Variants in TBX15 observed in about 807,000 individuals in gnomAD.
TBX15 encodes the protein T-box transcription factor 15, also known as T-box transcription factor TBX15.
In TBX15, 18 loss-of-function variants were observed where a neutral mutation model predicts 53.9. The ratio of observed to expected loss-of-function variants is 0.33; its 90% confidence interval spans 0.23 to 0.49. The LOEUF (loss-of-function observed/expected upper bound fraction) is 0.49, where lower values mean the gene tolerates loss of function less well. TBX15 is among the 20% of genes least tolerant of loss of function. TBX15 has a pLI of 0.98. For missense variants in TBX15, 692 were observed against 749.5 expected, an observed-to-expected ratio of 0.92 and a Z score of 0.90; for synonymous variants, 295 against 278.0, an observed-to-expected ratio of 1.06 and a Z score of -0.61.
chr1:118,965,505 C>T (rs59762859), intron 1 of TBX15, among the ~76,000 whole-genome samples: 29,426 of 151,982 alleles, frequency 0.19, 3,401 homozygotes, highest in East Asian at 0.5. Context: ...AACAACCTTT[C>T]GGGAGGGTAA....
intron 1 of TBX15, among the ~76,000 whole-genome samples, chr1:118,937,445 A>G (rs1185814940): frequency 1.3e-5 from 2 of 152,176 alleles, no homozygotes; most frequent in South Asian, 2.1e-4. Context: ...TCTACATGCT[A>G]AAGTTTTCTT....
chr1:118,904,983 T>C (rs146906568), intron 6 of TBX15, among the ~76,000 whole-genome samples: 20 of 152,298 alleles, frequency 1.3e-4, no homozygotes, highest in African/African-American at 4.8e-4. Flanking sequence ...AACTGTGATT[T>C]AATAAATGCA....
At chr1:118,919,779 T>C (rs1557884103) in intron 5 of TBX15, among the ~76,000 whole-genome samples, 1 of 152,174 alleles carries the variant, frequency 6.6e-6, no homozygotes, top group African/African-American at 2.4e-5. Flanking sequence ...CCTCCCATTA[T>C]TTGAGCAATC....
intron 7 of TBX15, among the ~76,000 whole-genome samples, chr1:118,893,356 GGAAAGAAAGAAAGAAAGAAAGAAA>G (rs200654722): frequency 9.4e-4 from 48 of 51,060 alleles, no homozygotes; most frequent in South Asian, 4.5e-3. Flanking sequence ...AAGGAAGGAA[GGAAAGAAAGAAAGAAAGAAAGAAA>G]GAAAGAAAGA....
chr1:118,952,692 T>C (rs12139133), intron 1 of TBX15, among the ~76,000 whole-genome samples: 19,478 of 152,112 alleles, frequency 0.13, 1,742 homozygotes, highest in Non-Finnish European at 0.18. Flanking sequence ...AAAGTATGGC[T>C]AAACTTCCCA....
intron 1 of TBX15, among the ~76,000 whole-genome samples, chr1:118,963,935 C>T (rs567283135): frequency 2.1e-4 from 32 of 152,278 alleles, no homozygotes; most frequent in African/African-American, 7.2e-4. Flanking sequence ...AAGCTAGCAA[C>T]ATAGAGAAGC....
chr1:118,894,955 C>T (rs941843595), intron 7 of TBX15, among the ~76,000 whole-genome samples: 4 of 152,050 alleles, frequency 2.6e-5, no homozygotes, highest in Non-Finnish European at 4.4e-5. Flanking sequence ...ATAAGCCATA[C>T]GTATGGGCAT....
chr1:118,956,282 A>T (rs145434453), intron 1 of TBX15, among the ~76,000 whole-genome samples: 238 of 152,350 alleles, frequency 1.6e-3, no homozygotes, highest in African/African-American at 5.2e-3. Flanking sequence ...GGAAAAAAAA[A>T]TACTAGTACT....
intron 1 of TBX15, among the ~76,000 whole-genome samples, chr1:118,936,598 G>C (rs1473504596): frequency 9.2e-5 from 14 of 152,074 alleles, no homozygotes; most frequent in Non-Finnish European, 1.0e-4. Context: ...TGGTTCTATT[G>C]ATAATAATAT....
chr1:118,953,822 A>T (rs1389579862), intron 1 of TBX15, among the ~76,000 whole-genome samples: 3 of 152,212 alleles, frequency 2.0e-5, no homozygotes, highest in Non-Finnish European at 2.9e-5. Context: ...ATTTCAGCAG[A>T]TCTGAATTAG....
chr1:118,943,241 A>G (rs1248391435), intron 1 of TBX15, among the ~76,000 whole-genome samples: 1 of 152,242 alleles, frequency 6.6e-6, no homozygotes, highest in African/African-American at 2.4e-5. Context: ...AGAGACAGAA[A>G]GAAGACTTTC....
rs543610302 is a variant in TBX15 at position 118,951,520 on chromosome 1, T to A, written c.206-19688A>T. Among the ~76,000 whole-genome samples the A allele has an allele frequency of 3.3e-5, 5 of 152,340 alleles. No homozygotes were observed. In the South Asian group the frequency reaches 1.0e-3, roughly 32 times the overall value. ...GGAGATATGTGGAGACCCAGAACCCTGGTCCTTCCTCTCTTGTTGGCAAGG... is the reference window on the plus strand; with the variant it reads ...GGAGATATGTGGAGACCCAGAACCCAGGTCCTTCCTCTCTTGTTGGCAAGG... On this transcript the variant is annotated intron_variant, in intron 1 of 7. Transcript: ENST00000369429.
At chr1:118,932,241 T>G (rs887146257) in intron 1 of TBX15, among the ~76,000 whole-genome samples, 1 of 152,176 alleles carries the variant, frequency 6.6e-6, no homozygotes, top group Non-Finnish European at 1.5e-5. Flanking sequence ...ACTATTACAT[T>G]TGTGCAAGTA....
At chr1:118,885,990 T>C (rs1057233806) in intron 7 of TBX15, among the ~76,000 whole-genome samples, 1 of 152,122 alleles carries the variant, frequency 6.6e-6, no homozygotes, top group Admixed American at 6.5e-5. Context: ...TTTTTAGTCT[T>C]CCAGCCAAAC....
chr1:118,971,222 A>G (rs1432482284), intron 1 of TBX15, among the ~76,000 whole-genome samples: 1 of 152,204 alleles, frequency 6.6e-6, no homozygotes, highest in African/African-American at 2.4e-5. Context: ...AACAATTTCT[A>G]TCTACAAAAA....
chr1:118,986,375 A>G (rs561200086), intron 1 of TBX15, among the ~76,000 whole-genome samples: 7 of 152,346 alleles, frequency 4.6e-5, no homozygotes, highest in African/African-American at 1.7e-4. Flanking sequence ...TAATAAAAAT[A>G]ATTCCCCAGC....
Position 118,883,474 on chromosome 1 carries a change from T to C in TBX15, c.*1258A>G, listed in dbSNP as rs1235393280. The C allele has an allele frequency of 6.6e-6, 1 of 152,238 alleles. No individual in the cohort carries two copies. The highest frequency in any genetic ancestry group is 1.5e-5 in the Non-Finnish European group (1 of 68,040). The allele number at this position is 152,238 out of a possible 1,614,324, so 9.4% of individuals were successfully genotyped here. On this transcript the variant is annotated 3_prime_UTR_variant, in exon 8 of 8. Coordinates refer to ENST00000369429, the MANE Select transcript of TBX15 (RefSeq NM_001330677.2). ...TATAGAAGACCCATCTGCAATTCCC[T>C]GGGACATGAGGGGATATTTCCTGCC...
rs1347644277 is a variant in TBX15, at chr1:118,926,483, A to G, written c.521+27T>C. The stretch of plus-strand genomic sequence containing the variant: ...GTCTTGGAATGCTGGTGATACCCAC[A>G]TTTCCACATCCCAGAGTTATTGTTA... On this transcript the variant is annotated intron_variant, in intron 3 of 7. Transcript: ENST00000369429. 2.5e-6 allele frequency: 4 copies of G among 1,596,056 alleles called. No homozygotes were observed. In the African/African-American group the frequency reaches 5.4e-5, roughly 21 times the overall value.
chr1:118,903,915 C>T (rs1420898356), intron 6 of TBX15, among the ~76,000 whole-genome samples: 1 of 152,090 alleles, frequency 6.6e-6, no homozygotes, highest in Non-Finnish European at 1.5e-5. Flanking sequence ...ACTTAATATA[C>T]CTGAAAAAGT....
Sources: gnomAD v4.1 joint callset for allele counts (sites outside exome capture counted in the v4.1 genomes callset) on GRCh38, gnomAD v4.1.1 for gene constraint, MANE v1.5 for transcripts, NCBI Gene and HGNC (gene_info 2026-07-23, HGNC 2026-07-21) for gene names.